The following YEATS2 variants were observed in gnomAD, a reference collection of about 807,000 sequenced individuals.
YEATS2 encodes YEATS domain-containing protein 2.
In YEATS2, 77 loss-of-function variants were observed where a neutral mutation model predicts 163.2. The ratio of observed to expected loss-of-function variants is 0.47; its 90% CI spans 0.39 to 0.57. The LOEUF (loss-of-function observed/expected upper bound fraction) is 0.57. Among genes scored for constraint, YEATS2 ranks in the 20% least tolerant of loss-of-function variants. The probability of loss-of-function intolerance (pLI) is 0.00; values close to 1 mark genes in which losing one functional copy is unlikely to be tolerated. For synonymous variants in YEATS2, 631 were observed against 645.1 expected, an observed-to-expected ratio of 0.98 and a Z score of 0.33; for missense variants, 1,549 against 1,729.8, an observed-to-expected ratio of 0.90 and a Z score of 1.85.
intron 8 of YEATS2, among the ~76,000 whole-genome samples, chr3:183,745,141 C>T (rs1015910500): frequency 5.9e-5 from 9 of 152,190 alleles, no homozygotes; most frequent in Admixed American, 1.3e-4. Flanking sequence ...TGAGCCACCG[C>T]GCCCTGGCCC....
intron 13 of YEATS2, 81 bp from the exon 14 acceptor site, chr3:183,761,426 G>T (rs1440586653): frequency 3.1e-6 from 4 of 1,273,866 alleles, no homozygotes; most frequent in African/African-American, 1.5e-5. Context: ...AATGTCACAG[G>T]TTTGTATTAA....
chr3:183,796,649 T>C (rs1169032586), intron 21 of YEATS2, among the ~76,000 whole-genome samples: 2 of 151,006 alleles, frequency 1.3e-5, no homozygotes, highest in Non-Finnish European at 1.5e-5. Flanking sequence ...GAAGCTAATT[T>C]TGGAAATACG....
In YEATS2 at chr3:183,756,702, TC is replaced by T; in HGVS notation, c.1552+15del. The T allele has an allele frequency of 6.7e-7, 1 of 1,500,410 alleles. No homozygotes were observed. Among genetic ancestry groups the T allele is most frequent in the Non-Finnish European group, 8.9e-7 (1 of 1,123,306 alleles). The allele number at this position is 1,500,410 out of a possible 1,614,324, so 92.9% of individuals were successfully genotyped here. ...ACTCCCAGTACAGGTGTGTATTAGA[TC>T]CATATTTGTACCATCTAAAGGGTTT... On this transcript the variant is annotated intron_variant, in intron 12 of 30. Transcript: ENST00000305135.
chr3:183,790,920 G>A lies in YEATS2; in HGVS notation c.3037G>A (p.Val1013Ile), dbSNP rs746480291. The change falls in exon 21 of 31, where the codon GTC becomes ATC. Residue 1013 changes from valine to isoleucine, a missense_variant. Coordinates refer to ENST00000305135, the MANE Select transcript of YEATS2 (RefSeq NM_018023.5). Reference sequence around the variant, plus strand: ...CTGCAAGGCTGCCACCCCCACCGTCGTCAGCGCCACGTCCCTCGTGCCTAC... The same window carrying A: ...CTGCAAGGCTGCCACCCCCACCGTCATCAGCGCCACGTCCCTCGTGCCTAC... ...GTCKAATPTVVSATSLVPTPN... is the reference protein window; with the variant it reads ...GTCKAATPTVISATSLVPTPN... The A allele has an allele frequency of 1.3e-5, 21 of 1,614,154 alleles. No homozygotes were observed. The highest frequency in any genetic ancestry group is 1.1e-4 in the East Asian group (5 of 44,882).
Position 183,809,103 on chromosome 3 carries a change from G to C in YEATS2, c.4093G>C (p.Glu1365Gln). The change falls in exon 30 of 31, where the codon GAA (glutamate) becomes CAA (glutamine). Residue 1365 changes from glutamate (E) to glutamine (Q), a missense_variant. By Grantham distance (29) the Glu-to-Gln change is conservative. Coordinates refer to ENST00000305135, the MANE Select transcript of YEATS2 (RefSeq NM_018023.5). ...VVEDMILKAT[E>Q]QLVNDILRQA... Reference sequence around the variant, plus strand: ...ACAGCATCTTCCATTGTAGGCTACAGAACAGCTGGTGAATGATATCCTGAG... The same window carrying C: ...ACAGCATCTTCCATTGTAGGCTACACAACAGCTGGTGAATGATATCCTGAG... 1 of 1,614,126 alleles carries C rather than the reference G, an allele frequency of 6.2e-7. No homozygotes were observed. Among genetic ancestry groups the C allele is most frequent in the Non-Finnish European group, 8.5e-7 (1 of 1,180,016 alleles).
rs1726783323 is a variant in YEATS2, at chr3:183,811,353, T to TA, written c.*770_*771insA. On this transcript the variant is annotated 3_prime_UTR_variant, in exon 31 of 31. Coordinates refer to ENST00000305135, the MANE Select transcript of YEATS2 (RefSeq NM_018023.5). ...GGCAGAAGTGTAGCAGCGTTACACA[T>TA]GTGTGCGAAGCAGATCGCAGGTTCC... 1.3e-5 allele frequency: 2 copies of TA among 152,554 alleles called. No homozygotes were observed. The highest frequency in any genetic ancestry group is 4.8e-5 in the African/African-American group (2 of 41,404). The allele number at this position is 152,554 out of a possible 1,614,324, so 9.5% of individuals were successfully genotyped here. A position where few individuals can be genotyped will look rare whatever the true frequency, so the allele number is the denominator to read the frequency against.
At chr3:183,710,116 A>G (rs1484295281) in intron 1 of YEATS2, among the ~76,000 whole-genome samples, 1 of 152,192 alleles carries the variant, frequency 6.6e-6, no homozygotes, top group African/African-American at 2.4e-5. Flanking sequence ...GTATATGATA[A>G]CAGATTTTTT....
At position 183,706,116 on chromosome 3, in the gene YEATS2, A is replaced by C. The variant is rs576027182; in HGVS notation, c.-20+8123A>C. On this transcript the variant is annotated intron_variant, in intron 1 of 30. Coordinates refer to ENST00000305135, the MANE Select transcript of YEATS2 (RefSeq NM_018023.5). ...TCCAGGAACTTTGGAGGGAGAAGGT[A>C]GGGAGAGCTGTGTTGGATGGGGCAC... is the stretch of plus-strand genomic sequence containing the variant. Among the ~76,000 whole-genome samples the C allele has an allele frequency of 1.5e-3, 230 of 152,060 alleles. 2 individuals carry two copies. The highest frequency in any genetic ancestry group is 5.4e-3 in the African/African-American group (224 of 41,504).
At chr3:183,786,086 A>G in intron 19 of YEATS2, 39 bp from the exon 20 acceptor site, 1 of 1,597,292 alleles carries the variant, frequency 6.3e-7, no homozygotes, top group Non-Finnish European at 8.6e-7. Context: ...TCTATTATCC[A>G]AGGCAACATG....
At chr3:183,795,483 T>TTTTCA (rs146253574) in intron 21 of YEATS2, among the ~76,000 whole-genome samples, 1 of 123,948 alleles carries the variant, frequency 8.1e-6, no homozygotes, top group Admixed American at 8.8e-5. Flanking sequence ...TTTTTTTTTT[T>TTTTCA]AGAGACGGGG....
In YEATS2 at chr3:183,735,077, T is replaced by C. The variant is rs1718196081; in HGVS notation, c.813-1641T>C. 3.3e-5 allele frequency among the ~76,000 whole-genome samples: 5 copies of C among 152,254 alleles called. No individual in the cohort carries two copies. In the South Asian group the frequency reaches 1.0e-3, roughly 31 times the overall value. ...TCATTTTTCCTGACTTTGTGCTGTT[T>C]GTCTGTCTTCTCTGGCAGCAGTCTT... On this transcript the variant is annotated intron_variant, in intron 7 of 30. Coordinates refer to ENST00000305135, the MANE Select transcript of YEATS2 (RefSeq NM_018023.5).
At chr3:183,779,566 T>C (rs978477798) in intron 19 of YEATS2, among the ~76,000 whole-genome samples, 3 of 152,350 alleles carry the variant, frequency 2.0e-5, no homozygotes, top group Non-Finnish European at 2.9e-5. Flanking sequence ...GATTTTGTAG[T>C]GTATTCAGCC....
chr3:183,713,209 A>T (rs1030415806), intron 1 of YEATS2, among the ~76,000 whole-genome samples: 1 of 152,226 alleles, frequency 6.6e-6, no homozygotes, highest in Non-Finnish European at 1.5e-5. Flanking sequence ...AATATTTTAG[A>T]TATATTGGTT....
chr3:183,753,476 G>T (rs928939778), intron 10 of YEATS2, among the ~76,000 whole-genome samples: 3 of 152,186 alleles, frequency 2.0e-5, no homozygotes, highest in African/African-American at 7.2e-5. Flanking sequence ...GCCGGGCACG[G>T]TGGCTCATGC....
At chr3:183,757,771 T>G (rs1720923837) in intron 12 of YEATS2, among the ~76,000 whole-genome samples, 1 of 141,212 alleles carries the variant, frequency 7.1e-6, no homozygotes, top group South Asian at 2.2e-4. Flanking sequence ...TTCCAAGCAG[T>G]TTTTTTTTTT....
intron 11 of YEATS2, among the ~76,000 whole-genome samples, chr3:183,754,768 A>T (rs1209908935): frequency 6.6e-6 from 1 of 152,220 alleles, no homozygotes; most frequent in African/African-American, 2.4e-5. Flanking sequence ...GTTGGTTGGG[A>T]ATTGAAATGC....
Position 183,770,724 on chromosome 3 carries a change from T to C in YEATS2, c.1948-1581T>C, listed in dbSNP as rs945249960. 2.6e-5 allele frequency among the ~76,000 whole-genome samples: 4 copies of C among 152,224 alleles called. 1 individual carries two copies. In the South Asian group the frequency reaches 8.3e-4, roughly 31 times the overall value. Reference sequence around the variant, plus strand: ...ATAGTCATAGGAAACGTGATGTTGTTTGTGTTTTGAAGGTTTACGTAAAAG... The same window carrying C: ...ATAGTCATAGGAAACGTGATGTTGTCTGTGTTTTGAAGGTTTACGTAAAAG... On this transcript the variant is annotated intron_variant, in intron 15 of 30. Transcript: ENST00000305135.
chr3:183,723,389 G>A (rs1716739299), intron 5 of YEATS2, among the ~76,000 whole-genome samples: 1 of 152,102 alleles, frequency 6.6e-6, no homozygotes, highest in African/African-American at 2.4e-5. Context: ...GATGTCAAGG[G>A]TTTGATTTAT....
Position 183,810,672 on chromosome 3 carries a change from C to T in YEATS2, c.*89C>T. ...TGCTGCTCGGGAAGGAGGTGGTTTC[C>T]AGTGTGACTCGGCATGTCATGGCTA... is the stretch of plus-strand genomic sequence containing the variant. On this transcript the variant is annotated 3_prime_UTR_variant, in exon 31 of 31. Transcript: ENST00000305135. 2 of 1,237,994 alleles carry T rather than the reference C, an allele frequency of 1.6e-6. No homozygotes were observed. The highest frequency in any genetic ancestry group is 2.5e-5 in the East Asian group (1 of 39,990). The allele number at this position is 1,237,994 out of a possible 1,614,324, so 76.7% of individuals were successfully genotyped here.
Sources: gnomAD v4.1 joint callset for allele counts (sites outside exome capture counted in the v4.1 genomes callset) on GRCh38, gnomAD v4.1.1 for gene constraint, MANE v1.5 for transcripts, NCBI Gene and HGNC (gene_info 2026-07-23, HGNC 2026-07-21) for gene names.